Variants in UTP25 observed in about 807,000 individuals in gnomAD.
UTP25 encodes U3 small nucleolar RNA-associated protein 25 homolog.
UTP25 carries 50 observed loss-of-function variants against 78.9 expected under a neutral mutation model. The ratio of observed to expected loss-of-function variants is 0.63; its 90% CI spans 0.50 to 0.80. The LOEUF is 0.80. UTP25 is among the 30% of genes least tolerant of loss of function. UTP25 has a pLI of 0.00. For missense variants in UTP25, 846 were observed against 911.3 expected (o/e 0.93, Z 0.92); for synonymous variants, 329 against 336.5 (o/e 0.98, Z 0.24).
At chr1:209,845,199 A>T (rs1211637374) in intron 11 of UTP25, among the ~76,000 whole-genome samples, 1 of 152,184 alleles carries the variant, frequency 6.6e-6, no homozygotes, top group Non-Finnish European at 1.5e-5. Flanking sequence ...GGATTGATTA[A>T]ATTTGTGTTT....
At chr1:209,850,436 T>G (rs566009122) in intron 11 of UTP25, among the ~76,000 whole-genome samples, 1 of 151,998 alleles carries the variant, frequency 6.6e-6, no homozygotes, top group African/African-American at 2.4e-5. Flanking sequence ...CCCAAGGGAG[T>G]CTAACGTCTT....
chr1:209,838,144 C>T (rs1376640257), intron 6 of UTP25, among the ~76,000 whole-genome samples: 2 of 152,140 alleles, frequency 1.3e-5, no homozygotes, highest in African/African-American at 4.8e-5. Flanking sequence ...AGGTTGTTTC[C>T]ATTTAGAATT....
chr1:209,834,028 CAG>C (rs1483357907), intron 4 of UTP25, among the ~76,000 whole-genome samples: 2 of 152,170 alleles, frequency 1.3e-5, no homozygotes, highest in African/African-American at 2.4e-5. Context: ...TTTAATGAAA[CAG>C]AAATTTTAAT....
chr1:209,848,650 C>A (rs898960174), intron 11 of UTP25, among the ~76,000 whole-genome samples: 1 of 152,204 alleles, frequency 6.6e-6, no homozygotes, highest in African/African-American at 2.4e-5. Flanking sequence ...TCCTTTGCAT[C>A]TTTTCCATAT....
chr1:209,846,281 T>C (rs2078196428), intron 11 of UTP25, among the ~76,000 whole-genome samples: 1 of 152,210 alleles, frequency 6.6e-6, no homozygotes, highest in African/African-American at 2.4e-5. Context: ...AACCTGAAGA[T>C]TTGTTTTATG....
Position 209,843,510 on chromosome 1 carries a change from C to A in UTP25, c.1841C>A (p.Thr614Lys). Residue 614 changes from threonine (T) to lysine (K), a missense_variant, in exon 11 of 12, where the codon ACG (threonine) becomes AAG (lysine). By Grantham distance (78) the Thr-to-Lys change is moderately conservative. Transcript: ENST00000491415. ...TATCGTGATGCAGTCATGTCTCACA[C>A]GCTCATCTATATCCCCTCCTACTTT... ...PQYRDAVMSH[T>K]LIYIPSYFDF... is the part of the protein sequence containing the mutation. The A allele has an allele frequency of 6.2e-7, 1 of 1,614,140 alleles. No individual in the cohort carries two copies. Among genetic ancestry groups the A allele is most frequent in the Non-Finnish European group, 8.5e-7 (1 of 1,180,004 alleles).
At chr1:209,834,491 CCTGTT>C (rs1264420941) in intron 4 of UTP25, among the ~76,000 whole-genome samples, 1 of 152,136 alleles carries the variant, frequency 6.6e-6, no homozygotes, top group Admixed American at 6.6e-5. Flanking sequence ...AGACATGGAA[CCTGTT>C]CTTAGAGACC....
chr1:209,833,325 A>G lies in UTP25; in HGVS notation c.529A>G (p.Ser177Gly). Residue 177 changes from serine (S) to glycine (G), a missense_variant, in exon 4 of 12, where the codon AGT (serine) becomes GGT (glycine). Coordinates refer to ENST00000491415, the MANE Select transcript of UTP25 (RefSeq NM_014388.7). ...GGAAACCAATTTTCTGGAAGAGGAA[A>G]GTGGAGACAACTCTTCTTTGAAAGC... ...SLETNFLEEE[S>G]GDNSSLKASQ... 6.3e-7 allele frequency: 1 copy of G among 1,589,154 alleles called. No homozygotes were observed. Among genetic ancestry groups the G allele is most frequent in the Non-Finnish European group, 8.5e-7 (1 of 1,170,796 alleles).
intron 4 of UTP25, among the ~76,000 whole-genome samples, chr1:209,834,523 A>T (rs938788237): frequency 6.6e-6 from 1 of 152,232 alleles, no homozygotes; most frequent in African/African-American, 2.4e-5. Context: ...TCTGCTAGAT[A>T]AGACATGTAT....
intron 5 of UTP25, 85 bp from the exon 6 acceptor site, chr1:209,836,715 GA>G (rs1345858798): frequency 7.1e-7 from 1 of 1,415,678 alleles, no homozygotes; most frequent in Non-Finnish European, 9.5e-7. Flanking sequence ...TATAAATCAT[GA>G]AAAAATTCGC....
At chr1:209,828,297 G>A (rs908900832) in intron 1 of UTP25, 127 bp downstream of exon 1, 1 of 722,646 alleles carries the variant, frequency 1.4e-6, no homozygotes, top group Non-Finnish European at 2.3e-6. Context: ...GTGCTCGGCC[G>A]GGGAGATTCT....
In UTP25 at chr1:209,830,136, AT is replaced by A. The variant is rs1214699917; in HGVS notation, c.139del (p.Cys47ValfsTer33). ...TTCCAGAAAGGAAGCAAAGCCACAGATTTGTCAACTGGTAATGCTTTCTACC... is the reference window on the plus strand; with the variant it reads ...TTCCAGAAAGGAAGCAAAGCCACAGATTGTCAACTGGTAATGCTTTCTACC... ...RVSRKEAKPQICQLSESSDSS... is the reference protein window; with the variant it reads ...RVSRKEAKPQXCQLSESSDSS... On this transcript the variant is annotated frameshift_variant, in exon 2 of 12. Transcript: ENST00000491415. LOFTEE classifies it high-confidence loss of function. The A allele has an allele frequency of 6.2e-7, 1 of 1,611,876 alleles. No individual in the cohort carries two copies. Among genetic ancestry groups the A allele is most frequent in the African/African-American group, 1.3e-5 (1 of 74,842 alleles).
chr1:209,831,705 A>G (rs1201197464), intron 3 of UTP25, among the ~76,000 whole-genome samples: 1 of 152,204 alleles, frequency 6.6e-6, no homozygotes, highest in Non-Finnish European at 1.5e-5. Context: ...AATTTTTCTT[A>G]TCCTTTTGCA....
At chr1:209,841,439 T>C (rs2078166652) in intron 8 of UTP25, among the ~76,000 whole-genome samples, 1 of 152,224 alleles carries the variant, frequency 6.6e-6, no homozygotes, top group Admixed American at 6.5e-5. Context: ...GCTTATGCTG[T>C]TTTGTTTGGT....
intron 1 of UTP25, among the ~76,000 whole-genome samples, chr1:209,829,728 C>T (rs1014914518): frequency 6.6e-6 from 1 of 152,060 alleles, no homozygotes; most frequent in Non-Finnish European, 1.5e-5. Context: ...TCAAGTGATT[C>T]TCCCACCTTG....
Position 209,852,389 on chromosome 1 carries a change from A to T in UTP25, c.*942A>T, listed in dbSNP as rs2102585312. 6.6e-6 allele frequency: 1 copy of T among 152,342 alleles called. No homozygotes were observed. The highest frequency in any genetic ancestry group is 1.5e-5 in the Non-Finnish European group (1 of 68,034). 9.4% of individuals were successfully genotyped at this position (152,342 alleles called of 1,614,324 possible). A position where few individuals can be genotyped will look rare whatever the true frequency, so the allele number is the denominator to read the frequency against. ...GATTAGGAATGCCCCACCAATAAGG[A>T]TAATGTGAATATTTCAGAATCCAAA... On this transcript the variant is annotated 3_prime_UTR_variant, in exon 12 of 12. Coordinates refer to ENST00000491415, the MANE Select transcript of UTP25 (RefSeq NM_014388.7).
intron 4 of UTP25, 108 bp downstream of exon 4, chr1:209,833,466 T>C: frequency 1.0e-6 from 1 of 1,000,114 alleles, no homozygotes; most frequent in Non-Finnish European, 1.4e-6. Context: ...AAAAACAGTT[T>C]AGTGGCTAGA....
At chr1:209,851,132 T>G in intron 11 of UTP25, 72 bp from the exon 12 acceptor site, 1 of 1,537,450 alleles carries the variant, frequency 6.5e-7, no homozygotes, top group Non-Finnish European at 8.8e-7. Context: ...TATGCCTCTG[T>G]ACAACTCCTA....
At chr1:209,846,906 A>G in intron 11 of UTP25, among the ~76,000 whole-genome samples, 2 of 152,224 alleles carry the variant, frequency 1.3e-5, no homozygotes, top group East Asian at 3.8e-4. Flanking sequence ...GGTATTTCAC[A>G]GTTATTGTAG....
Sources: gnomAD v4.1 joint callset for allele counts (sites outside exome capture counted in the v4.1 genomes callset) on GRCh38, gnomAD v4.1.1 for gene constraint, MANE v1.5 for transcripts, NCBI Gene and HGNC (gene_info 2026-07-23, HGNC 2026-07-21) for gene names.